Variants in CHST9 observed in about 807,000 individuals in gnomAD.
CHST9 encodes the protein GalNAc-4-sulfotransferase 2.
A neutral mutation model predicts 44.4 loss-of-function variants in CHST9; 41 were observed. The observed-to-expected ratio is 0.92, with a 90% CI of 0.72 to 1.20. The LOEUF (loss-of-function observed/expected upper bound fraction) is 1.20. Ranked by LOEUF, CHST9 falls within the 50% of genes most tolerant of loss-of-function variation. The probability of loss-of-function intolerance (pLI) is 0.00; values close to 1 mark genes in which losing one functional copy is unlikely to be tolerated. For missense variants in CHST9, 504 were observed against 516.5 expected (o/e 0.98, Z 0.23); for synonymous variants, 171 against 178.4 (o/e 0.96, Z 0.33).
chr18:27,089,650 C>T (rs1277518884), intron 2 of CHST9, among the ~76,000 whole-genome samples: 1 of 151,902 alleles, frequency 6.6e-6, no homozygotes, highest in Non-Finnish European at 1.5e-5. Context: ...GGGTATATAC[C>T]CAGTAATGGG....
At chr18:26,920,740 A>G (rs902234174) in intron 5 of CHST9, among the ~76,000 whole-genome samples, 1 of 152,256 alleles carries the variant, frequency 6.6e-6, no homozygotes, top group African/African-American at 2.4e-5. Flanking sequence ...ACAATTGACC[A>G]ATTCTTGTTA....
chr18:26,953,553 A>G (rs2056280377), intron 4 of CHST9, among the ~76,000 whole-genome samples: 1 of 152,162 alleles, frequency 6.6e-6, no homozygotes, highest in African/African-American at 2.4e-5. Flanking sequence ...GGCCTAGACT[A>G]GGGAGGTAGA....
intron 4 of CHST9, among the ~76,000 whole-genome samples, chr18:26,958,644 A>C (rs2056359817): frequency 6.6e-6 from 1 of 152,216 alleles, no homozygotes. Flanking sequence ...GCAAAAACAA[A>C]CAACCTCATT....
chr18:26,937,785 AC>A (rs372346989), intron 5 of CHST9, among the ~76,000 whole-genome samples: 7 of 152,210 alleles, frequency 4.6e-5, no homozygotes, highest in African/African-American at 1.7e-4. Context: ...TAATGCCTAC[AC>A]ACAAAAAGCT....
intron 2 of CHST9, among the ~76,000 whole-genome samples, chr18:27,090,612 A>T (rs956898809): frequency 4.0e-5 from 6 of 150,890 alleles, no homozygotes; most frequent in Non-Finnish European, 8.9e-5. Context: ...CCATCTTGAA[A>T]TAATTTTTTG....
chr18:27,111,367 A>G (rs899089166), intron 2 of CHST9, among the ~76,000 whole-genome samples: 6 of 152,240 alleles, frequency 3.9e-5, no homozygotes, highest in African/African-American at 1.4e-4. Flanking sequence ...TGAAAGATTT[A>G]GAAATTATAA....
intron 2 of CHST9, among the ~76,000 whole-genome samples, chr18:27,106,228 T>C (rs1477873182): frequency 1.3e-5 from 2 of 152,148 alleles, no homozygotes; most frequent in Admixed American, 1.3e-4. Context: ...TTTCAACTGC[T>C]TTTATTTGCC....
chr18:26,943,976 C>G (rs1201276103), intron 5 of CHST9, among the ~76,000 whole-genome samples: 1 of 151,980 alleles, frequency 6.6e-6, no homozygotes, highest in African/African-American at 2.4e-5. Context: ...GGAGAGTCAC[C>G]TTAGTTAAGG....
At chr18:27,098,368 T>C (rs1475826746) in intron 2 of CHST9, among the ~76,000 whole-genome samples, 1 of 152,032 alleles carries the variant, frequency 6.6e-6, no homozygotes, top group Non-Finnish European at 1.5e-5. Flanking sequence ...TGTAAATTAA[T>C]TCAATCATAG....
intron 3 of CHST9, among the ~76,000 whole-genome samples, chr18:27,036,085 A>T (rs2057387836): frequency 6.6e-6 from 1 of 152,158 alleles, no homozygotes; most frequent in Non-Finnish European, 1.5e-5. Context: ...TCATGTGCCA[A>T]ATTCAAAAGT....
At chr18:27,046,538 A>G (rs1186212265) in intron 3 of CHST9, among the ~76,000 whole-genome samples, 1 of 151,656 alleles carries the variant, frequency 6.6e-6, no homozygotes, top group Non-Finnish European at 1.5e-5. Flanking sequence ...AGGAAAATGA[A>G]CTAAGATGTA....
rs1265349409 is a variant in CHST9, at chr18:27,118,793, T to C, written c.121+23896A>G. Among the ~76,000 whole-genome samples, 12 of 152,342 alleles carry C rather than the reference T, an allele frequency of 7.9e-5. No individual in the cohort carries two copies. The Middle Eastern group carries it at 0.01, about 130-fold the overall frequency. The stretch of plus-strand genomic sequence containing the variant: ...ACTGGTGAGGTCAGTTCTTCCCAAG[T>C]AGTCCCACAGTCTTGCCAGAATGGC... On this transcript the variant is annotated intron_variant, in intron 2 of 5. Coordinates refer to ENST00000618847, the MANE Select transcript of CHST9 (RefSeq NM_031422.6).
chr18:26,950,066 A>G (rs1340934688), intron 4 of CHST9, among the ~76,000 whole-genome samples: 1 of 152,202 alleles, frequency 6.6e-6, no homozygotes, highest in Non-Finnish European at 1.5e-5. Context: ...TGTTGTTTTA[A>G]GCCACAGAGT....
rs56288802 is a variant in CHST9 at position 26,912,374 on chromosome 18, T to TACACACACAC, written c.*3875_*3884dup. The TACACACACAC allele has an allele frequency of 3.4e-3, 396 of 117,236 alleles. 1 individual carries two copies. The highest frequency in any genetic ancestry group is 0.011 in the African/African-American group (364 of 31,716). The allele number at this position is 117,236 out of a possible 1,614,324, so 7.3% of individuals were successfully genotyped here. ...GAAATGTGATAACTAACTAGCTAAA[T>TACACACACAC]ACACACACACACACACACACACACA... On this transcript the variant is annotated 3_prime_UTR_variant, in exon 6 of 6. Coordinates refer to ENST00000618847, the MANE Select transcript of CHST9 (RefSeq NM_031422.6).
At chr18:27,042,130 C>A (rs2057452409) in intron 3 of CHST9, among the ~76,000 whole-genome samples, 1 of 152,052 alleles carries the variant, frequency 6.6e-6, no homozygotes, top group South Asian at 2.1e-4. Context: ...TTGTTTATAC[C>A]AACCTGGGCC....
chr18:27,141,591 C>CAAAAAAA (rs34920055), intron 2 of CHST9, among the ~76,000 whole-genome samples: 12 of 50,090 alleles, frequency 2.4e-4, no homozygotes, highest in East Asian at 5.6e-4. Flanking sequence ...AATCCCGACT[C>CAAAAAAA]AAAAAAAAAA....
intron 3 of CHST9, among the ~76,000 whole-genome samples, chr18:27,024,839 T>A (rs1261210518): frequency 6.6e-6 from 1 of 152,022 alleles, no homozygotes; most frequent in African/African-American, 2.4e-5. Flanking sequence ...GAACGGGTGA[T>A]TTTTCATGGT....
At chr18:27,001,124 A>T (rs2056947893) in intron 4 of CHST9, among the ~76,000 whole-genome samples, 1 of 152,158 alleles carries the variant, frequency 6.6e-6, no homozygotes, top group Non-Finnish European at 1.5e-5. Flanking sequence ...TTACAGGGAG[A>T]GTAGATTTAT....
At chr18:26,955,277 G>C (rs978105999) in intron 4 of CHST9, among the ~76,000 whole-genome samples, 1 of 148,356 alleles carries the variant, frequency 6.7e-6, no homozygotes, top group Non-Finnish European at 1.5e-5. Flanking sequence ...TTCTGTATTA[G>C]GAATACAGTG....
Sources: gnomAD v4.1 joint callset for allele counts (sites outside exome capture counted in the v4.1 genomes callset) on GRCh38, gnomAD v4.1.1 for gene constraint, MANE v1.5 for transcripts, NCBI Gene and HGNC (gene_info 2026-07-23, HGNC 2026-07-21) for gene names.